SMURF2: variants seen among roughly 807,000 people sequenced by gnomAD.
SMURF2 encodes SMAD specific E3 ubiquitin protein ligase 2.
In SMURF2, 48 loss-of-function variants were observed where a neutral mutation model predicts 109.6. The observed-to-expected ratio is 0.44, with a 90% CI of 0.35 to 0.56. SMURF2 has a LOEUF of 0.56. SMURF2 is among the 20% of genes least tolerant of loss of function. The probability of loss-of-function intolerance (pLI) is 0.01; values close to 1 mark genes in which losing one functional copy is unlikely to be tolerated. For synonymous variants in SMURF2, 288 were observed against 317.1 expected, an observed-to-expected ratio of 0.91 and a Z score of 0.97; for missense variants, 575 against 909.0, an observed-to-expected ratio of 0.63 and a Z score of 4.72.
chr17:64,607,094 A>AT (rs1969981280), intron 1 of SMURF2, among the ~76,000 whole-genome samples: 2 of 148,756 alleles, frequency 1.3e-5, no homozygotes, highest in Non-Finnish European at 3.0e-5. Flanking sequence ...TTTAAATAAC[A>AT]TTCTGTTCTC....
chr17:64,620,669 C>G (rs1555690542), intron 1 of SMURF2, among the ~76,000 whole-genome samples: 1 of 152,184 alleles, frequency 6.6e-6, no homozygotes, highest in Non-Finnish European at 1.5e-5. Context: ...CGTGAACCTC[C>G]AACACTTGGA....
chr17:64,639,883 G>A lies in SMURF2; in HGVS notation c.52+21946C>T, dbSNP rs1970471829. Among the ~76,000 whole-genome samples the A allele has an allele frequency of 1.3e-5, 2 of 152,100 alleles. 1 individual carries two copies. Among genetic ancestry groups the A allele is most frequent in the African/African-American group, 4.8e-5 (2 of 41,402 alleles). On this transcript the variant is annotated intron_variant, in intron 1 of 18. Coordinates refer to ENST00000262435, the MANE Select transcript of SMURF2 (RefSeq NM_022739.4). ...CTGTGGGTGCTCCCCATCTAATAGG[G>A]ATTAAAAAACAATGAGCAGCATTAG... is the stretch of plus-strand genomic sequence containing the variant.
At chr17:64,580,462 A>G (rs782752654) in intron 8 of SMURF2, among the ~76,000 whole-genome samples, 1 of 152,216 alleles carries the variant, frequency 6.6e-6, no homozygotes, top group Non-Finnish European at 1.5e-5. Flanking sequence ...TAACAATACC[A>G]TCTTACCTTT....
chr17:64,644,152 C>G (rs934516888), intron 1 of SMURF2, among the ~76,000 whole-genome samples: 1 of 151,974 alleles, frequency 6.6e-6, no homozygotes, highest in Non-Finnish European at 1.5e-5. Context: ...ACTACAGGTA[C>G]GCACCACACA....
intron 1 of SMURF2, among the ~76,000 whole-genome samples, chr17:64,631,266 GA>G (rs1970336205): frequency 1.2e-4 from 1 of 8,620 alleles, no homozygotes. Context: ...AGGTGGGGGG[GA>G]GAGAGGGGGG....
At position 64,661,848 on chromosome 17, in the gene SMURF2, G is replaced by T. The variant is rs1217500890; in HGVS notation, c.33C>A (p.Pro11=). 1 of 1,220,690 alleles carries T rather than the reference G, an allele frequency of 8.2e-7. No individual in the cohort carries two copies. The highest frequency in any genetic ancestry group is 1.0e-6 in the Non-Finnish European group (1 of 980,908). 75.6% of individuals were successfully genotyped at this position (1,220,690 alleles called of 1,614,324 possible). A position where few individuals can be genotyped will look rare whatever the true frequency, so the allele number is the denominator to read the frequency against. The stretch of plus-strand genomic sequence containing the variant: ...CCTCACCTGTCAGGCGCAGCTTGAC[G>T]GGCCCGTTCCTCCGGCCTCCGGGGT... MSNPGGRRNG[P]VKLRLTVLCA... is the part of the protein sequence containing the mutation. Residue 11 remains proline, a synonymous_variant, in exon 1 of 19, where the codon CCC becomes CCA. Transcript: ENST00000262435.
chr17:64,645,006 CAA>C (rs368164529), intron 1 of SMURF2, among the ~76,000 whole-genome samples: 1 of 131,954 alleles, frequency 7.6e-6, no homozygotes, highest in Non-Finnish European at 1.7e-5. Flanking sequence ...AAGACTGTCT[CAA>C]AAAAAAAAAA....
At chr17:64,606,371 C>T (rs1408716070) in intron 2 of SMURF2, among the ~76,000 whole-genome samples, 1 of 152,146 alleles carries the variant, frequency 6.6e-6, no homozygotes, top group Non-Finnish European at 1.5e-5. Flanking sequence ...CATACACACT[C>T]ATTCTCATAA....
At chr17:64,603,735 G>A (rs894623276) in intron 2 of SMURF2, among the ~76,000 whole-genome samples, 1 of 152,070 alleles carries the variant, frequency 6.6e-6, no homozygotes, top group African/African-American at 2.4e-5. Context: ...GAAAGGGGAA[G>A]TGACTTATTT....
At chr17:64,565,045 G>C (rs902431257) in intron 10 of SMURF2, among the ~76,000 whole-genome samples, 2 of 152,140 alleles carry the variant, frequency 1.3e-5, no homozygotes, top group Admixed American at 1.3e-4. Flanking sequence ...TAAATATTCA[G>C]TTTATTGTAT....
chr17:64,554,647 A>G (rs1406713809), intron 15 of SMURF2, among the ~76,000 whole-genome samples: 3 of 152,186 alleles, frequency 2.0e-5, no homozygotes, highest in African/African-American at 7.2e-5. Flanking sequence ...GTGGAACACC[A>G]GTGTTGTCAT....
At chr17:64,621,827 C>G (rs1555690655) in intron 1 of SMURF2, among the ~76,000 whole-genome samples, 1 of 150,692 alleles carries the variant, frequency 6.6e-6, no homozygotes, top group East Asian at 1.9e-4. Context: ...TAGCAGTGAG[C>G]AAGACCACGC....
At chr17:64,640,140 A>T (rs1446082896) in intron 1 of SMURF2, among the ~76,000 whole-genome samples, 1 of 152,210 alleles carries the variant, frequency 6.6e-6, no homozygotes, top group Non-Finnish European at 1.5e-5. Flanking sequence ...AAAGTATTCT[A>T]AAATCAAAAG....
At chr17:64,561,703 A>G in intron 11 of SMURF2, 100 bp from the exon 12 acceptor site, 3 of 898,334 alleles carry the variant, frequency 3.3e-6, no homozygotes, top group South Asian at 3.3e-5. Context: ...AAGTCTAAAT[A>G]AGGTGAAATT....
At chr17:64,615,039 T>C (rs1555689985) in intron 1 of SMURF2, among the ~76,000 whole-genome samples, 1 of 152,202 alleles carries the variant, frequency 6.6e-6, no homozygotes, top group Non-Finnish European at 1.5e-5. Flanking sequence ...GGAAAGGAGT[T>C]ATCTATATGC....
intron 1 of SMURF2, among the ~76,000 whole-genome samples, chr17:64,617,224 T>C (rs1277905868): frequency 6.6e-6 from 1 of 152,114 alleles, no homozygotes; most frequent in African/African-American, 2.4e-5. Flanking sequence ...GTAATTTACC[T>C]CAACAATCAT....
At chr17:64,561,737 C>T (rs2144604621) in intron 11 of SMURF2, 134 bp from the exon 12 acceptor site, 1 of 613,680 alleles carries the variant, frequency 1.6e-6, no homozygotes. Context: ...TAGCTCACAC[C>T]TGTAATCCCA....
At chr17:64,640,702 C>T (rs1016238951) in intron 1 of SMURF2, among the ~76,000 whole-genome samples, 10 of 152,012 alleles carry the variant, frequency 6.6e-5, no homozygotes, top group South Asian at 2.1e-4. Context: ...AGGCAGATCA[C>T]GAGGTCAGGA....
chr17:64,651,553 CA>C (rs1381979576), intron 1 of SMURF2, among the ~76,000 whole-genome samples: 1 of 145,610 alleles, frequency 6.9e-6, no homozygotes. Flanking sequence ...GCCTGGGCGA[CA>C]GAGCAAGACC....
Sources: allele counts gnomAD v4.1 joint callset (sites outside exome capture counted in the v4.1 genomes callset), GRCh38; gene constraint gnomAD v4.1.1; transcripts MANE v1.5; gene names NCBI Gene and HGNC (gene_info 2026-07-23, HGNC 2026-07-21).